S100A8: variants seen among roughly 807,000 people sequenced by gnomAD.
S100A8 encodes S100 calcium binding protein A8.
In S100A8, 1 loss-of-function variant was observed where a neutral mutation model predicts 4.2. The observed-to-expected ratio is 0.24, with a 90% confidence interval of 0.08 to 1.12. S100A8 has a LOEUF of 1.12. Among genes scored for constraint, S100A8 ranks in the 50% most tolerant of loss-of-function variants. The pLI is 0.53. For synonymous variants in S100A8, 41 were observed against 44.7 expected (o/e 0.92, Z 0.33); for missense variants, 96 against 111.8 (o/e 0.86, Z 0.64).
chr1:153,409,600 C>T, the S100A8 span, among the ~76,000 whole-genome samples: 1 of 152,058 alleles, frequency 6.6e-6, no homozygotes, highest in Non-Finnish European at 1.5e-5. Context: ...ATATCCAGCT[C>T]TGCACCAAGC....
At chr1:153,407,418 G>A in the S100A8 span, among the ~76,000 whole-genome samples, 1 of 152,202 alleles carries the variant, frequency 6.6e-6, no homozygotes, top group Non-Finnish European at 1.5e-5. Flanking sequence ...TGAGGCTGGG[G>A]GCAGGGTGCC....
chr1:153,390,566 C>G lies in S100A8; in HGVS notation c.-22-9G>C. The G allele has an allele frequency of 6.2e-7, 1 of 1,613,552 alleles. No individual in the cohort carries two copies. Among genetic ancestry groups the G allele is most frequent in the South Asian group, 1.1e-5 (1 of 91,048 alleles). On this transcript the variant is annotated splice_polypyrimidine_tract_variant and intron_variant, in intron 1 of 2. Coordinates refer to ENST00000368733, the MANE Select transcript of S100A8 (RefSeq NM_002964.5). Reference sequence around the variant, plus strand: ...CCACGGACTTGCCCCACCTGAAAAACAGAACCTTCTGGGGAATCCCATGGC... The same window carrying G: ...CCACGGACTTGCCCCACCTGAAAAAGAGAACCTTCTGGGGAATCCCATGGC...
chr1:153,410,939 C>A, the S100A8 span, among the ~76,000 whole-genome samples: 9 of 152,160 alleles, frequency 5.9e-5, no homozygotes, highest in African/African-American at 1.4e-4. Flanking sequence ...GCCCTTCATG[C>A]TAAAAACTCT....
chr1:153,421,285 G>A, the S100A8 span: 1 of 152,154 alleles, frequency 6.6e-6, no homozygotes, highest in African/African-American at 2.4e-5. Context: ...TCACCCCAAA[G>A]AAATGATCTC....
the S100A8 span, among the ~76,000 whole-genome samples, chr1:153,411,256 T>C: frequency 3.3e-4 from 50 of 152,208 alleles, no homozygotes; most frequent in Non-Finnish European, 6.9e-4. Flanking sequence ...AAAATCTCCT[T>C]AAGCTGATAA....
chr1:153,412,583 A>C, the S100A8 span, among the ~76,000 whole-genome samples: 15 of 152,220 alleles, frequency 9.9e-5, no homozygotes, highest in African/African-American at 3.6e-4. Flanking sequence ...CGATTCCTCA[A>C]GGATCTAGAA....
upstream of S100A8, among the ~76,000 whole-genome samples, chr1:153,393,021 C>T (rs369402227): frequency 1.4e-4 from 22 of 152,156 alleles, no homozygotes; most frequent in African/African-American, 3.1e-4. Context: ...AATCCAATGA[C>T]GTATGTACTA....
the S100A8 span, among the ~76,000 whole-genome samples, chr1:153,406,347 G>A: frequency 6.6e-6 from 1 of 152,090 alleles, no homozygotes; most frequent in African/African-American, 2.4e-5. Context: ...TGGGGATGAT[G>A]GCTCTGCCTG....
At chr1:153,395,513 C>T (rs776646955), upstream of S100A8, among the ~76,000 whole-genome samples, 42 of 152,114 alleles carry the variant, frequency 2.8e-4, no homozygotes, top group Non-Finnish European at 5.6e-4. Context: ...GCCTCCCTCC[C>T]TTCCGTCCCC....
chr1:153,399,504 A>G, the S100A8 span, among the ~76,000 whole-genome samples: 1 of 152,124 alleles, frequency 6.6e-6, no homozygotes, highest in East Asian at 1.9e-4. Context: ...TCCTCCCTCC[A>G]TTAGTGAACC....
At chr1:153,416,611 A>T in the S100A8 span, 1 of 445,086 alleles carries the variant, frequency 2.2e-6, no homozygotes, top group Non-Finnish European at 4.5e-6. Flanking sequence ...CCCAGTGCCC[A>T]GCCTGCCATG....
chr1:153,416,535 C>G, the S100A8 span: 2 of 493,116 alleles, frequency 4.1e-6, no homozygotes, highest in Non-Finnish European at 4.0e-6. Flanking sequence ...TCTCACTCAT[C>G]CTTCTACTCG....
upstream of S100A8, among the ~76,000 whole-genome samples, chr1:153,394,262 G>A (rs1662166644): frequency 6.6e-6 from 1 of 152,196 alleles, no homozygotes; most frequent in Non-Finnish European, 1.5e-5. Flanking sequence ...CCCAGAAGGG[G>A]GCAGGAGAGG....
At chr1:153,397,884 G>T in the S100A8 span, among the ~76,000 whole-genome samples, 97 of 152,148 alleles carry the variant, frequency 6.4e-4, no homozygotes, top group Non-Finnish European at 1.1e-3. Context: ...TTCTATCCCC[G>T]CAAGGGCCCC....
the S100A8 span, chr1:153,419,340 C>T: frequency 2.5e-6 from 4 of 1,598,996 alleles, no homozygotes; most frequent in Non-Finnish European, 3.4e-6. Context: ...TCCAGAGACC[C>T]CAGGAACAAT....
At chr1:153,420,056 A>C in the S100A8 span, 1 of 152,308 alleles carries the variant, frequency 6.6e-6, no homozygotes, top group Admixed American at 6.5e-5. Flanking sequence ...CCAGATTTTG[A>C]GGAGCTCTAA....
the S100A8 span, chr1:153,419,383 T>C: frequency 4.1e-5 from 61 of 1,487,690 alleles, no homozygotes; most frequent in Admixed American, 1.3e-4. Context: ...CTTGCCTTAT[T>C]TCTTCTTCTC....
chr1:153,418,049 G>C, the S100A8 span: 2 of 1,612,388 alleles, frequency 1.2e-6, no homozygotes, highest in African/African-American at 1.3e-5. Flanking sequence ...AGAAATGATT[G>C]TCTTTATTTC....
At chr1:153,393,958 A>G (rs1470251155), upstream of S100A8, among the ~76,000 whole-genome samples, 3 of 152,136 alleles carry the variant, frequency 2.0e-5, no homozygotes, top group Non-Finnish European at 4.4e-5. Context: ...AGATCGTGAA[A>G]TGTCGCCCCC....
Sources: gnomAD v4.1 joint callset for allele counts (sites outside exome capture counted in the v4.1 genomes callset) on GRCh38, gnomAD v4.1.1 for gene constraint, MANE v1.5 for transcripts, NCBI Gene and HGNC (gene_info 2026-07-23, HGNC 2026-07-21) for gene names.